The following DCAKD variants were observed in gnomAD, a reference collection of about 807,000 sequenced individuals.
DCAKD encodes dephospho-CoA kinase domain-containing protein.
DCAKD carries 15 observed loss-of-function variants against 18.7 expected under a neutral mutation model. The ratio of observed to expected loss-of-function variants is 0.80; its 90% CI spans 0.54 to 1.24. The LOEUF (loss-of-function observed/expected upper bound fraction) is 1.24. Ranked by LOEUF, DCAKD falls within the 50% of genes most tolerant of loss-of-function variation. The probability of loss-of-function intolerance (pLI) is 0.00; values close to 1 mark genes in which losing one functional copy is unlikely to be tolerated. For synonymous variants in DCAKD, 130 were observed against 133.0 expected (o/e 0.98, Z 0.16); for missense variants, 301 against 322.0 (o/e 0.93, Z 0.50).
chr17:45,030,861 T>C (rs1259143076), intron 3 of DCAKD: 1 of 545,586 alleles, frequency 1.8e-6, no homozygotes, highest in African/African-American at 2.1e-5. Flanking sequence ...CCTAAAACTG[T>C]ATTACACTCC....
intron 1 of DCAKD, among the ~76,000 whole-genome samples, chr17:45,041,887 G>A (rs577006710): frequency 3.3e-5 from 5 of 152,108 alleles, no homozygotes; most frequent in South Asian, 2.1e-4. Flanking sequence ...GGGAGGCCAA[G>A]GTGGGAGGAT....
rs2053095050 is a variant in DCAKD, at chr17:45,028,113, C to T, written c.404+1979G>A. Among the ~76,000 whole-genome samples, 3 of 142,888 alleles carry T rather than the reference C, an allele frequency of 2.1e-5. No homozygotes were observed. The Admixed American group carries it at 2.1e-4, about 10-fold the overall frequency. 93.7% of individuals were successfully genotyped at this position (142,888 alleles called of 152,430 possible). A position where few individuals can be genotyped will look rare whatever the true frequency, so the allele number is the denominator to read the frequency against. ...GTCTTCTCATCTACACTCTAAGATCCTTTTTTTTTTTTTGAGATGGAGTCT... is the reference window on the plus strand; with the variant it reads ...GTCTTCTCATCTACACTCTAAGATCTTTTTTTTTTTTTTGAGATGGAGTCT... On this transcript the variant is annotated intron_variant, in intron 4 of 4. Transcript: ENST00000651974.
At chr17:45,050,005 G>A (rs1437249909) in intron 1 of DCAKD, among the ~76,000 whole-genome samples, 3 of 150,168 alleles carry the variant, frequency 2.0e-5, no homozygotes, top group African/African-American at 7.4e-5. Flanking sequence ...TACCAGGCGT[G>A]AGCCACCGCG....
chr17:45,029,255 C>T (rs1189012100), intron 4 of DCAKD, among the ~76,000 whole-genome samples: 1 of 152,202 alleles, frequency 6.6e-6, no homozygotes, highest in Non-Finnish European at 1.5e-5. Flanking sequence ...CAACGACAGC[C>T]CATGGGGACC....
chr17:45,027,322 G>A (rs2143172697), intron 4 of DCAKD, among the ~76,000 whole-genome samples: 1 of 152,216 alleles, frequency 6.6e-6, no homozygotes, highest in South Asian at 2.1e-4. Context: ...CCTGAGCCCT[G>A]TCTCAAAAAA....
In DCAKD at chr17:45,030,522, G is replaced by A. The variant is rs183765193; in HGVS notation, c.317-343C>T. Among the ~76,000 whole-genome samples the A allele has an allele frequency of 5.9e-5, 9 of 152,364 alleles. No homozygotes were observed. In the South Asian group the frequency reaches 1.9e-3, roughly 32 times the overall value. On this transcript the variant is annotated intron_variant, in intron 3 of 4. Coordinates refer to ENST00000651974, the MANE Select transcript of DCAKD (RefSeq NM_001288655.2). ...CAGGGAGAGGGAGGCTCTACTGTGCGGGCTGAAGCAGAGGCCTCAGGCCGT... is the reference window on the plus strand; with the variant it reads ...CAGGGAGAGGGAGGCTCTACTGTGCAGGCTGAAGCAGAGGCCTCAGGCCGT...
intron 1 of DCAKD, among the ~76,000 whole-genome samples, chr17:45,042,940 C>T (rs1041126726): frequency 6.6e-6 from 1 of 152,188 alleles, no homozygotes; most frequent in African/African-American, 2.4e-5. Context: ...ACTCTCCAAG[C>T]ACAAACCATC....
chr17:45,034,548 G>C (rs954733584), intron 2 of DCAKD, among the ~76,000 whole-genome samples, 158 bp from the exon 3 acceptor site: 2 of 152,334 alleles, frequency 1.3e-5, no homozygotes, highest in African/African-American at 4.8e-5. Context: ...GAAAAGAGCA[G>C]AGTGTACAGG....
At chr17:45,040,506 C>T (rs999198747) in intron 1 of DCAKD, among the ~76,000 whole-genome samples, 19 of 151,902 alleles carry the variant, frequency 1.3e-4, no homozygotes, top group African/African-American at 4.6e-4. Context: ...TGGCTGGAGG[C>T]GGAAGGACAA....
chr17:45,055,837 T>C (rs892148990), upstream of DCAKD, among the ~76,000 whole-genome samples: 3 of 152,244 alleles, frequency 2.0e-5, no homozygotes, highest in Middle Eastern at 3.4e-3. Flanking sequence ...ATCTATCTCA[T>C]GGCTTCGTAG....
chr17:45,034,043 C>G (rs776185521), intron 3 of DCAKD, 144 bp downstream of exon 3: 22 of 1,597,478 alleles, frequency 1.4e-5, no homozygotes, highest in Middle Eastern at 1.6e-4. Context: ...GTACGGGGCT[C>G]TGTGTGGAGG....
chr17:45,044,508 A>T (rs111799318), intron 1 of DCAKD, among the ~76,000 whole-genome samples: 1 of 152,148 alleles, frequency 6.6e-6, no homozygotes, highest in African/African-American at 2.4e-5. Flanking sequence ...CCTGGCCAAC[A>T]TAGCAAAATC....
At chr17:45,036,678 C>T (rs1263631710) in intron 1 of DCAKD, among the ~76,000 whole-genome samples, 1 of 152,066 alleles carries the variant, frequency 6.6e-6, no homozygotes, top group Non-Finnish European at 1.5e-5. Flanking sequence ...AAAAGACTTT[C>T]ATGAAATCAT....
chr17:45,035,480 TAAAAAAAAA>T (rs35837364), intron 1 of DCAKD, among the ~76,000 whole-genome samples: 5 of 86,952 alleles, frequency 5.8e-5, no homozygotes, highest in African/African-American at 1.9e-4. Flanking sequence ...AGATTCCTTC[TAAAAAAAAA>T]AAAAAAAAAA....
At position 45,034,910 on chromosome 17, in the gene DCAKD, G is replaced by C. The variant is rs372832439; in HGVS notation, c.-25C>G. 1.9e-6 allele frequency: 3 copies of C among 1,610,830 alleles called. No homozygotes were observed. The highest frequency in any genetic ancestry group is 2.5e-6 in the Non-Finnish European group (3 of 1,177,598). ...TCTTCCAGGAAAGAGAGCTGTCCGC[G>C]AGACTACGGAGCCAGGAGCTACAGA... On this transcript the variant is annotated 5_prime_UTR_variant, in exon 2 of 5. Transcript: ENST00000651974.
At chr17:45,041,738 AG>A (rs2053441643) in intron 1 of DCAKD, among the ~76,000 whole-genome samples, 2 of 151,850 alleles carry the variant, frequency 1.3e-5, no homozygotes, top group Non-Finnish European at 1.5e-5. Flanking sequence ...AGGCACGAGA[AG>A]GGGTGGTGGG....
chr17:45,048,551 C>T (rs537343840), intron 1 of DCAKD, among the ~76,000 whole-genome samples: 8 of 152,290 alleles, frequency 5.3e-5, no homozygotes, highest in African/African-American at 1.7e-4. Context: ...GCAGAAGAAT[C>T]GCTTGAAACC....
At chr17:45,053,309 G>T (rs560733025), upstream of DCAKD, among the ~76,000 whole-genome samples, 6 of 150,184 alleles carry the variant, frequency 4.0e-5, no homozygotes, top group South Asian at 1.3e-3. Flanking sequence ...CCAGGCTGGG[G>T]TGCAGTGGCA....
chr17:45,029,018 A>T (rs2053117842), intron 4 of DCAKD, among the ~76,000 whole-genome samples: 1 of 152,028 alleles, frequency 6.6e-6, no homozygotes, highest in Non-Finnish European at 1.5e-5. Context: ...AAGATCCTTT[A>T]AAAAAAATGT....
Sources: gnomAD v4.1 joint callset for allele counts (sites outside exome capture counted in the v4.1 genomes callset) on GRCh38, gnomAD v4.1.1 for gene constraint, MANE v1.5 for transcripts, NCBI Gene and HGNC (gene_info 2026-07-23, HGNC 2026-07-21) for gene names.